Variants in ANKRD37 observed in about 807,000 individuals in gnomAD.
The protein encoded by ANKRD37 is ankyrin repeat domain-containing protein 37.
Under a neutral mutation model 19.7 loss-of-function variants are expected in ANKRD37, and 17 were observed. The ratio of observed to expected loss-of-function variants is 0.86; its 90% confidence interval spans 0.59 to 1.29. The LOEUF (loss-of-function observed/expected upper bound fraction) is 1.29, where lower values mean the gene tolerates loss of function less well. ANKRD37 is among the 50% of genes most tolerant of loss of function. The pLI, the probability that ANKRD37 is intolerant of heterozygous loss-of-function variation, is 0.00. For missense variants in ANKRD37, 207 were observed against 190.4 expected, an observed-to-expected ratio of 1.09 and a Z score of -0.51; for synonymous variants, 79 against 74.5, an observed-to-expected ratio of 1.06 and a Z score of -0.31.
At position 185,398,963 on chromosome 4, in the gene ANKRD37, C is replaced by T; in HGVS notation, c.207C>T (p.His69=). Residue 69 remains histidine, a synonymous_variant, in exon 3 of 5, where the codon CAC becomes CAT. Transcript: ENST00000335174. ...ATGTTTTAGGAGAAGCTCCACTACA[C>T]AAGGCAGCAAAAGTTGGAAGCCTGG... ...QQDVLGEAPL[H]KAAKVGSLEC... 6.2e-7 allele frequency: 1 copy of T among 1,613,840 alleles called. No homozygotes were observed. The highest frequency in any genetic ancestry group is 1.1e-5 in the South Asian group (1 of 91,076).
At chr4:185,399,446 T>C (rs2095510386) in intron 3 of ANKRD37, 124 bp from the exon 4 acceptor site, 1 of 997,194 alleles carries the variant, frequency 1.0e-6, no homozygotes, top group Non-Finnish European at 1.5e-6. Context: ...AATTTCCTTA[T>C]GCATCCTTTA....
rs781422747 is a variant in ANKRD37, at chr4:185,400,066, A to T, written c.*49A>T. ...CTGAAGAACGCCTTCATTTCATGCA[A>T]ATCTATAAGCTCCTGCTTTTGGCTT... On this transcript the variant is annotated 3_prime_UTR_variant, in exon 5 of 5. Transcript: ENST00000335174. 2 of 1,504,472 alleles carry T rather than the reference A, an allele frequency of 1.3e-6. No homozygotes were observed. Among genetic ancestry groups the T allele is most frequent in the African/African-American group, 2.8e-5 (2 of 71,710 alleles). The allele number at this position is 1,504,472 out of a possible 1,614,324, so 93.2% of individuals were successfully genotyped here.
chr4:185,396,957 T>A lies in ANKRD37; in HGVS notation c.27+7T>A, dbSNP rs552289467. The A allele has an allele frequency of 6.2e-7, 1 of 1,613,574 alleles. No individual in the cohort carries two copies. The highest frequency in any genetic ancestry group is 1.1e-5 in the South Asian group (1 of 91,082). On this transcript the variant is annotated splice_region_variant and intron_variant, in intron 1 of 4. Coordinates refer to ENST00000335174, the MANE Select transcript of ANKRD37 (RefSeq NM_181726.4). ...GCTGGATTGCAACCCCGAGGTGAGA[T>A]TCGGGCTCACAGAGCCCGAGCTTTT...
downstream of ANKRD37, chr4:185,400,563 AGG>A (rs942867903): frequency 1.0e-6 from 1 of 971,730 alleles, no homozygotes; most frequent in African/African-American, 1.6e-5. Context: ...CTCTGTCAGC[AGG>A]ACCTTGGAAT....
chr4:185,399,137 T>C, intron 3 of ANKRD37, 109 bp downstream of exon 3: 1 of 902,340 alleles, frequency 1.1e-6, no homozygotes, highest in Non-Finnish European at 1.7e-6. Flanking sequence ...GCGTAATTGA[T>C]AATTTAGTGT....
At chr4:185,397,023 T>C (rs531790608) in intron 1 of ANKRD37, 73 bp downstream of exon 1, 14 of 1,610,632 alleles carry the variant, frequency 8.7e-6, no homozygotes, top group South Asian at 3.3e-5. Context: ...TTCTCGTTAA[T>C]GCGGGGACGG....
At chr4:185,399,071 A>C (rs201648338) in intron 3 of ANKRD37, 43 bp downstream of exon 3, 1 of 1,524,064 alleles carries the variant, frequency 6.6e-7, no homozygotes, top group African/African-American at 1.4e-5. Context: ...GTTTTCTTGG[A>C]TTAAACTAAT....
intron 2 of ANKRD37, among the ~76,000 whole-genome samples, chr4:185,398,106 C>A (rs981962416): frequency 6.6e-6 from 1 of 151,990 alleles, no homozygotes; most frequent in Non-Finnish European, 1.5e-5. Context: ...TACAGGCACG[C>A]GCCACCGTGC....
intron 2 of ANKRD37, among the ~76,000 whole-genome samples, chr4:185,398,238 G>A (rs2095508081): frequency 6.6e-6 from 1 of 152,158 alleles, no homozygotes; most frequent in Non-Finnish European, 1.5e-5. Context: ...GATTACAGGC[G>A]TGAGCCACCG....
At chr4:185,399,315 C>A (rs569569883) in intron 3 of ANKRD37, among the ~76,000 whole-genome samples, 1 of 152,134 alleles carries the variant, frequency 6.6e-6, no homozygotes, top group East Asian at 1.9e-4. Flanking sequence ...CCATTGACTA[C>A]CTTTGGGTAC....
At chr4:185,397,613 TAC>T (rs1461637451) in intron 2 of ANKRD37, 10 of 302,660 alleles carry the variant, frequency 3.3e-5, no homozygotes, top group African/African-American at 4.4e-5. Flanking sequence ...TTAGATATTT[TAC>T]ACTTTCTTTT....
chr4:185,399,573 A>C lies in ANKRD37; in HGVS notation c.276A>C (p.Leu92Phe). 1.9e-6 allele frequency: 3 copies of C among 1,614,154 alleles called. No individual in the cohort carries two copies. The highest frequency in any genetic ancestry group is 2.5e-6 in the Non-Finnish European group (3 of 1,180,000). The change falls in exon 4 of 5, where the codon TTA becomes TTC. Residue 92 changes from leucine to phenylalanine, a missense_variant. Physicochemically the swap from Leu to Phe is conservative, Grantham distance 22. Coordinates refer to ENST00000335174, the MANE Select transcript of ANKRD37 (RefSeq NM_181726.4). Reference sequence around the variant, plus strand: ...TCCGTTTTTATCCTGTTTTCAGTTTATGTAATAAGAACGGGCAAACAGCTG... The same window carrying C: ...TCCGTTTTTATCCTGTTTTCAGTTTCTGTAATAAGAACGGGCAAACAGCTG... ...LLVASDAQID[L>F]CNKNGQTAED...
In ANKRD37 at chr4:185,396,881, C is replaced by G. The variant is rs2095504832; in HGVS notation, c.-43C>G. The G allele has an allele frequency of 6.2e-7, 1 of 1,610,056 alleles. No homozygotes were observed. Among genetic ancestry groups the G allele is most frequent in the Non-Finnish European group, 8.5e-7 (1 of 1,178,290 alleles). On this transcript the variant is annotated 5_prime_UTR_variant, in exon 1 of 5. Coordinates refer to ENST00000335174, the MANE Select transcript of ANKRD37 (RefSeq NM_181726.4). ...TCGGGGTGCGGCGAGTGTCTCACCT[C>G]TCTGCACTTCCAAGGACTCTTGTCA... is the stretch of plus-strand genomic sequence containing the variant.
downstream of ANKRD37, chr4:185,400,456 G>A: frequency 1.2e-6 from 2 of 1,613,732 alleles, no homozygotes; most frequent in Non-Finnish European, 1.7e-6. Flanking sequence ...CCAAAAATCT[G>A]GGCCCTTCCA....
At chr4:185,397,521 TAAACG>T in intron 2 of ANKRD37, 2 of 553,396 alleles carry the variant, frequency 3.6e-6, no homozygotes, top group South Asian at 5.9e-5. Flanking sequence ...GCCACATTAA[TAAACG>T]AAACATGAAA....
At chr4:185,396,972 C>G (rs562203200) in intron 1 of ANKRD37, 22 bp downstream of exon 1, 2 of 1,613,120 alleles carry the variant, frequency 1.2e-6, no homozygotes, top group African/African-American at 2.7e-5. Context: ...GCTCACAGAG[C>G]CCGAGCTTTT....
At chr4:185,397,847 T>G (rs973777748) in intron 2 of ANKRD37, 3 of 152,394 alleles carry the variant, frequency 2.0e-5, no homozygotes, top group Non-Finnish European at 4.4e-5. Flanking sequence ...GTTTTCTTAC[T>G]GTAGTTTGCA....
At chr4:185,398,528 T>C (rs1256565917) in intron 2 of ANKRD37, among the ~76,000 whole-genome samples, 2 of 152,200 alleles carry the variant, frequency 1.3e-5, no homozygotes, top group African/African-American at 4.8e-5. Context: ...GGAATGATCA[T>C]TTCAGAGCGT....
chr4:185,397,428 A>G (rs1216760183), intron 2 of ANKRD37, 126 bp downstream of exon 2: 1 of 1,223,512 alleles, frequency 8.2e-7, no homozygotes, highest in Non-Finnish European at 1.1e-6. Flanking sequence ...TCCAACAGAA[A>G]TATAATGCAA....
Sources: allele counts gnomAD v4.1 joint callset (sites outside exome capture counted in the v4.1 genomes callset), GRCh38; gene constraint gnomAD v4.1.1; transcripts MANE v1.5; gene names NCBI Gene and HGNC (gene_info 2026-07-23, HGNC 2026-07-21).